MBD1: variants seen among roughly 807,000 people sequenced by gnomAD.
The protein encoded by MBD1 is methyl-CpG binding domain protein 1, also known as methyl-CpG-binding domain protein 1.
A neutral mutation model predicts 82.6 loss-of-function variants in MBD1; 25 were observed. That is an observed-to-expected ratio of 0.30 (90% CI 0.22 to 0.42). The LOEUF (loss-of-function observed/expected upper bound fraction) is 0.42, where lower values mean the gene tolerates loss of function less well. Ranked by LOEUF, MBD1 falls within the 10% of genes least tolerant of loss-of-function variation. The pLI is 1.00. For missense variants in MBD1, 627 were observed against 819.6 expected (o/e 0.76, Z 2.87); for synonymous variants, 301 against 303.7 (o/e 0.99, Z 0.09).
chr18:50,281,063 C>T (rs1174058840), intron 1 of MBD1: 10 of 1,165,254 alleles, frequency 8.6e-6, no homozygotes, highest in Non-Finnish European at 1.1e-5. Context: ...AGTTCTGAAC[C>T]CCCATTTCTC....
chr18:50,269,312 A>G lies in MBD1; in HGVS notation c.*539T>C, dbSNP rs1208720350. On this transcript the variant is annotated 3_prime_UTR_variant, in exon 17 of 17. Transcript: ENST00000269468. ...TGAGCAGTGAGACCCTTGGGAGCGGATTCATGGTAGGGTGGCTTTGTAATG... is the reference window on the plus strand; with the variant it reads ...TGAGCAGTGAGACCCTTGGGAGCGGGTTCATGGTAGGGTGGCTTTGTAATG... 1 of 1,259,030 alleles carries G rather than the reference A, an allele frequency of 7.9e-7. No homozygotes were observed. Among genetic ancestry groups the G allele is most frequent in the Admixed American group, 3.5e-5 (1 of 28,542 alleles). 78.0% of individuals were successfully genotyped at this position (1,259,030 alleles called of 1,614,324 possible).
At chr18:50,267,650 C>A (rs1017026833), downstream of MBD1, 5 of 1,536,038 alleles carry the variant, frequency 3.3e-6, no homozygotes, top group Admixed American at 3.9e-5. Context: ...CAGTCAAGAG[C>A]AAGGTGGTAA....
chr18:50,277,681 A>C (rs1169235194), intron 2 of MBD1, among the ~76,000 whole-genome samples: 1 of 152,114 alleles, frequency 6.6e-6, no homozygotes, highest in East Asian at 1.9e-4. Context: ...GGTTTCTTGC[A>C]TTTTTGTATG....
chr18:50,276,205 A>G, intron 6 of MBD1, 173 bp downstream of exon 6: 1 of 828,502 alleles, frequency 1.2e-6, no homozygotes, highest in Admixed American at 2.0e-5. Context: ...ACTAATGGTA[A>G]TGGGGATTAA....
chr18:50,281,596 T>G (rs1437008838), upstream of MBD1: 4 of 498,266 alleles, frequency 8.0e-6, no homozygotes, highest in Non-Finnish European at 1.4e-5. Context: ...TGCCTCGATG[T>G]CGCGTGCCCT....
chr18:50,276,809 G>A, intron 4 of MBD1, 23 bp downstream of exon 4: 1 of 1,614,182 alleles, frequency 6.2e-7, no homozygotes, highest in Non-Finnish European at 8.5e-7. Flanking sequence ...CACCCATCTG[G>A]CTCACCTTAG....
chr18:50,277,884 G>A (rs573974656), intron 2 of MBD1, among the ~76,000 whole-genome samples: 3 of 152,094 alleles, frequency 2.0e-5, no homozygotes, highest in Non-Finnish European at 4.4e-5. Context: ...CTAAGCTCAC[G>A]GTTCTTTTCC....
Position 50,277,171 on chromosome 18 carries a change from C to T in MBD1, c.144G>A (p.Glu48=), listed in dbSNP as rs1000774267. Residue 48 remains glutamate, a synonymous_variant, in exon 3 of 17, where the codon GAG becomes GAA. Transcript: ENST00000269468. ...ACGCAGGGCCCAGGTATCGAGTCAG[C>T]TCAACTTTGCTTCGGATCCTGTCTC... The part of the protein sequence containing the change: ...PTGDRIRSKV[E]LTRYLGPACD... 4 of 1,614,072 alleles carry T rather than the reference C, an allele frequency of 2.5e-6. No homozygotes were observed. The highest frequency in any genetic ancestry group is 4.5e-5 in the East Asian group (2 of 44,890).
intron 7 of MBD1, 21 bp downstream of exon 7, chr18:50,275,814 C>G (rs938924443): frequency 1.2e-6 from 2 of 1,614,168 alleles, no homozygotes; most frequent in Non-Finnish European, 1.7e-6. Context: ...GCCTTGGGCT[C>G]TTTCCACTTG....
At chr18:50,274,628 A>C (rs550713257) in intron 10 of MBD1, among the ~76,000 whole-genome samples, 1 of 152,252 alleles carries the variant, frequency 6.6e-6, no homozygotes, top group African/African-American at 2.4e-5. Context: ...ACCACTAGCT[A>C]CCAAGAAAAT....
intron 2 of MBD1, among the ~76,000 whole-genome samples, chr18:50,278,669 T>G (rs1474815445): frequency 6.6e-6 from 1 of 152,244 alleles, no homozygotes; most frequent in Non-Finnish European, 1.5e-5. Context: ...TAAACACATG[T>G]AAATGCTTAT....
In MBD1 at chr18:50,271,646, C is replaced by T. The variant is rs934572399; in HGVS notation, c.1779-106G>A. 1.0e-5 allele frequency: 12 copies of T among 1,155,268 alleles called. No homozygotes were observed. In the African/African-American group the frequency reaches 1.5e-4, roughly 15 times the overall value. 71.6% of individuals were successfully genotyped at this position (1,155,268 alleles called of 1,614,324 possible). Reference sequence around the variant, plus strand: ...ATTCTGTGTCCTCCATCCACTTCCCCTTAATTATCCTTTATCTTTTTTTAT... The same window carrying T: ...ATTCTGTGTCCTCCATCCACTTCCCTTTAATTATCCTTTATCTTTTTTTAT... On this transcript the variant is annotated intron_variant, in intron 15 of 16. Coordinates refer to ENST00000269468, the MANE Select transcript of MBD1 (RefSeq NM_015846.4).
intron 1 of MBD1, among the ~76,000 whole-genome samples, chr18:50,280,646 T>G (rs1238845955): frequency 1.3e-5 from 2 of 152,042 alleles, no homozygotes; most frequent in East Asian, 3.9e-4. Context: ...CCCCTCATCT[T>G]TTCCATTCCT....
Position 50,279,614 on chromosome 18 carries a change from T to C in MBD1, c.110+269A>G. The C allele has an allele frequency of 9.3e-6, 4 of 430,768 alleles. No individual in the cohort carries two copies. The South Asian group carries it at 9.6e-5, about 10-fold the overall frequency. The allele number at this position is 430,768 out of a possible 1,614,324, so 26.7% of individuals were successfully genotyped here. A position where few individuals can be genotyped will look rare whatever the true frequency, so the allele number is the denominator to read the frequency against. ...AGTATTAAAGCTGAAAAGGGCTCCT[T>C]CAGCCTCAGCTAGAAATACATGCAT... is the stretch of plus-strand genomic sequence containing the variant. On this transcript the variant is annotated intron_variant, in intron 2 of 16. Coordinates refer to ENST00000269468, the MANE Select transcript of MBD1 (RefSeq NM_015846.4).
chr18:50,272,807 G>A lies in MBD1; in HGVS notation c.1716+17C>T, dbSNP rs1188595149. The A allele has an allele frequency of 1.9e-6, 3 of 1,613,752 alleles. No individual in the cohort carries two copies. Among genetic ancestry groups the A allele is most frequent in the South Asian group, 2.2e-5 (2 of 91,056 alleles). On this transcript the variant is annotated intron_variant, in intron 14 of 16. Coordinates refer to ENST00000269468, the MANE Select transcript of MBD1 (RefSeq NM_015846.4). ...TACAGCAGGGTCAGGGCAGGGTGGG[G>A]CATCCCCAGCACTGACCACGGGTGT...
At position 50,272,755 on chromosome 18, in the gene MBD1, A is replaced by G; in HGVS notation, c.1717-17T>C. 1 of 1,614,144 alleles carries G rather than the reference A, an allele frequency of 6.2e-7. No individual in the cohort carries two copies. Among genetic ancestry groups the G allele is most frequent in the South Asian group, 1.1e-5 (1 of 91,082 alleles). On this transcript the variant is annotated splice_polypyrimidine_tract_variant and intron_variant, in intron 14 of 16. Coordinates refer to ENST00000269468, the MANE Select transcript of MBD1 (RefSeq NM_015846.4). ...CTCCGTGATCTAGAGAAGAATTAACACCATAGGTCAATGTGGTTGTTGGGG... is the reference window on the plus strand; with the variant it reads ...CTCCGTGATCTAGAGAAGAATTAACGCCATAGGTCAATGTGGTTGTTGGGG...
rs1047173188 is a variant in MBD1, at chr18:50,273,926, C to T, written c.1147-63G>A. On this transcript the variant is annotated intron_variant, in intron 11 of 16. Transcript: ENST00000269468. Reference sequence around the variant, plus strand: ...CCTGACCAATCACATCCACCCTGCCCGGCTCCACATGCCTGCTAATCTCCC... The same window carrying T: ...CCTGACCAATCACATCCACCCTGCCTGGCTCCACATGCCTGCTAATCTCCC... The T allele has an allele frequency of 5.4e-5, 85 of 1,582,250 alleles. No individual in the cohort carries two copies. The African/African-American group carries it at 5.8e-4, about 11-fold the overall frequency.
At chr18:50,268,840 TGTAA>T (rs760237134), downstream of MBD1, 27 of 877,462 alleles carry the variant, frequency 3.1e-5, no homozygotes, top group South Asian at 1.1e-4. Flanking sequence ...ACACTAAGCA[TGTAA>T]GTAAGTGGGA....
chr18:50,267,873 G>A (rs894524321), downstream of MBD1, among the ~76,000 whole-genome samples: 1 of 152,206 alleles, frequency 6.6e-6, no homozygotes, highest in Non-Finnish European at 1.5e-5. Context: ...GATTTTGTAT[G>A]TGGTATGTTT....
Sources: allele counts gnomAD v4.1 joint callset (sites outside exome capture counted in the v4.1 genomes callset), GRCh38; gene constraint gnomAD v4.1.1; transcripts MANE v1.5; gene names NCBI Gene and HGNC (gene_info 2026-07-23, HGNC 2026-07-21).